HS6ST3: variants seen among roughly 807,000 people sequenced by gnomAD.
HS6ST3 encodes heparan sulfate 6-O-sulfotransferase 3, also known as heparan-sulfate 6-O-sulfotransferase 3.
HS6ST3 carries 12 observed loss-of-function variants against 36.7 expected under a neutral mutation model. That is an observed-to-expected ratio of 0.33 (90% CI 0.21 to 0.53). The LOEUF is 0.53. Ranked by LOEUF, HS6ST3 falls within the 20% of genes least tolerant of loss-of-function variation. HS6ST3 has a pLI of 0.95. For missense variants in HS6ST3, 584 were observed against 640.9 expected (o/e 0.91, Z 0.96); for synonymous variants, 240 against 257.5 (o/e 0.93, Z 0.65).
At chr13:96,482,587 T>C (rs1435255840) in intron 1 of HS6ST3, among the ~76,000 whole-genome samples, 1 of 152,146 alleles carries the variant, frequency 6.6e-6, no homozygotes, top group African/African-American at 2.4e-5. Context: ...ATTAAGGTCA[T>C]TTCCTGGGCT....
chr13:96,425,102 G>A (rs2055580082), intron 1 of HS6ST3, among the ~76,000 whole-genome samples: 1 of 152,134 alleles, frequency 6.6e-6, no homozygotes, highest in Non-Finnish European at 1.5e-5. Context: ...CTGGGTGAGA[G>A]CCCACCTTCT....
Position 96,832,985 on chromosome 13 carries a change from C to T in HS6ST3, c.1203C>T (p.Asn401=), listed in dbSNP as rs1594870897. Residue 401 remains asparagine (N), a synonymous_variant, in exon 2 of 2, where the codon AAC becomes AAT. Coordinates refer to ENST00000376705, the MANE Select transcript of HS6ST3 (RefSeq NM_153456.4). ...CCCGCCAACGCATTGAGGATCTAAA[C>T]TTCCTGGACATGCAGCTTTACGAGT... The part of the protein sequence containing the change: ...EGARQRIEDL[N]FLDMQLYEYA... 6.2e-7 allele frequency: 1 copy of T among 1,614,138 alleles called. No individual in the cohort carries two copies. Among genetic ancestry groups the T allele is most frequent in the Non-Finnish European group, 8.5e-7 (1 of 1,180,010 alleles).
At chr13:96,744,158 A>G (rs1484645287) in intron 1 of HS6ST3, among the ~76,000 whole-genome samples, 2 of 152,082 alleles carry the variant, frequency 1.3e-5, no homozygotes. Context: ...TATTACTGGA[A>G]AACATGTTAT....
chr13:96,765,060 C>CTTT (rs11423735), intron 1 of HS6ST3, among the ~76,000 whole-genome samples: 605 of 93,776 alleles, frequency 6.5e-3, no homozygotes, highest in Middle Eastern at 0.016. Context: ...TTGTTTCTTT[C>CTTT]TTTTTTTTTT....
At chr13:96,542,710 A>T (rs919615043) in intron 1 of HS6ST3, among the ~76,000 whole-genome samples, 1 of 152,128 alleles carries the variant, frequency 6.6e-6, no homozygotes, top group Admixed American at 6.6e-5. Context: ...TGCTGCTCAC[A>T]TGACCTCCAC....
At chr13:96,175,167 C>T (rs1410287732) in intron 1 of HS6ST3, among the ~76,000 whole-genome samples, 1 of 152,102 alleles carries the variant, frequency 6.6e-6, no homozygotes, top group African/African-American at 2.4e-5. Flanking sequence ...TCATAAGATA[C>T]ATGCCAATGT....
chr13:96,629,112 G>A (rs1276671328), intron 1 of HS6ST3, among the ~76,000 whole-genome samples: 1 of 151,848 alleles, frequency 6.6e-6, no homozygotes, highest in Non-Finnish European at 1.5e-5. Context: ...ATTTACTGTG[G>A]ATATGCTAAA....
In HS6ST3 at chr13:96,757,095, T is replaced by G. The variant is rs534301010; in HGVS notation, c.708-75395T>G. Among the ~76,000 whole-genome samples the G allele has an allele frequency of 7.9e-5, 12 of 152,296 alleles. No individual in the cohort carries two copies. In the South Asian group the frequency reaches 1.7e-3, roughly 21 times the overall value. ...TTCAGGGTTGATGGTGGCATTCCTT[T>G]CTTTTTGGCTATAGAATTCATATAA... On this transcript the variant is annotated intron_variant, in intron 1 of 1. Coordinates refer to ENST00000376705, the MANE Select transcript of HS6ST3 (RefSeq NM_153456.4).
At chr13:96,806,897 C>A (rs1217126237) in intron 1 of HS6ST3, among the ~76,000 whole-genome samples, 2 of 152,192 alleles carry the variant, frequency 1.3e-5, no homozygotes, top group African/African-American at 4.8e-5. Context: ...CCTGGGACAA[C>A]TGCCTGTTAG....
At chr13:96,733,992 G>A (rs1399174258) in intron 1 of HS6ST3, among the ~76,000 whole-genome samples, 1 of 152,144 alleles carries the variant, frequency 6.6e-6, no homozygotes, top group Non-Finnish European at 1.5e-5. Flanking sequence ...CCAGTTCACT[G>A]CCTAGAGCAG....
chr13:96,728,266 TA>T (rs1179865546), intron 1 of HS6ST3, among the ~76,000 whole-genome samples: 1 of 152,194 alleles, frequency 6.6e-6, no homozygotes, highest in Non-Finnish European at 1.5e-5. Flanking sequence ...GGTAATACTC[TA>T]AAAATGTTTA....
chr13:96,101,787 T>C (rs2053819489), intron 1 of HS6ST3, among the ~76,000 whole-genome samples: 1 of 152,152 alleles, frequency 6.6e-6, no homozygotes, highest in Non-Finnish European at 1.5e-5. Context: ...CCATGGAGAA[T>C]ATACCAACCT....
At chr13:96,588,441 A>G (rs2056370054) in intron 1 of HS6ST3, among the ~76,000 whole-genome samples, 1 of 152,184 alleles carries the variant, frequency 6.6e-6, no homozygotes, top group African/African-American at 2.4e-5. Flanking sequence ...GTGTCATGAA[A>G]GCATATTGAA....
intron 1 of HS6ST3, among the ~76,000 whole-genome samples, chr13:96,499,467 C>G (rs1357996505): frequency 6.6e-6 from 1 of 152,058 alleles, no homozygotes; most frequent in Non-Finnish European, 1.5e-5. Context: ...AGAGGGAGAC[C>G]TTGCTTGTTT....
intron 1 of HS6ST3, among the ~76,000 whole-genome samples, chr13:96,249,627 A>G (rs944809113): frequency 1.3e-5 from 2 of 152,200 alleles, no homozygotes; most frequent in Non-Finnish European, 2.9e-5. Context: ...ATAATCTGCT[A>G]CATATACAAT....
chr13:96,555,446 A>T (rs1171745834), intron 1 of HS6ST3, among the ~76,000 whole-genome samples: 2 of 152,182 alleles, frequency 1.3e-5, no homozygotes, highest in African/African-American at 4.8e-5. Context: ...ATTTCAAGTT[A>T]AATATGATAT....
intron 1 of HS6ST3, among the ~76,000 whole-genome samples, chr13:96,706,410 A>G (rs1263291204): frequency 9.7e-6 from 1 of 103,400 alleles, no homozygotes; most frequent in Non-Finnish European, 1.8e-5. Flanking sequence ...AATAGAATAT[A>G]TTTTATATAT....
At chr13:96,723,233 C>G (rs1434843111) in intron 1 of HS6ST3, among the ~76,000 whole-genome samples, 1 of 152,078 alleles carries the variant, frequency 6.6e-6, no homozygotes, top group South Asian at 2.1e-4. Context: ...CTGGGTGACA[C>G]CATCCAGGAG....
At chr13:96,626,937 A>C (rs1186553158) in intron 1 of HS6ST3, among the ~76,000 whole-genome samples, 1 of 152,122 alleles carries the variant, frequency 6.6e-6, no homozygotes, top group Non-Finnish European at 1.5e-5. Context: ...ATACATTGTA[A>C]CACTTTATCA....
Sources: allele counts gnomAD v4.1 joint callset (sites outside exome capture counted in the v4.1 genomes callset), GRCh38; gene constraint gnomAD v4.1.1; transcripts MANE v1.5; gene names NCBI Gene and HGNC (gene_info 2026-07-23, HGNC 2026-07-21).